Variants in LDLRAD3 observed in about 807,000 individuals in gnomAD.
LDLRAD3 encodes low density lipoprotein receptor class A domain containing 3.
Under a neutral mutation model 29.4 loss-of-function variants are expected in LDLRAD3, and 20 were observed. The ratio of observed to expected loss-of-function variants is 0.68; its 90% CI spans 0.48 to 0.99. LDLRAD3 has a LOEUF of 0.99. Ranked by LOEUF, LDLRAD3 falls within the 50% of genes least tolerant of loss-of-function variation. LDLRAD3 has a pLI of 0.00. For synonymous variants in LDLRAD3, 157 were observed against 192.7 expected, an observed-to-expected ratio of 0.81 and a Z score of 1.53; for missense variants, 420 against 454.3, an observed-to-expected ratio of 0.92 and a Z score of 0.69.
intron 4 of LDLRAD3, among the ~76,000 whole-genome samples, chr11:36,171,885 T>C (rs2133348815): frequency 6.6e-6 from 1 of 152,288 alleles, no homozygotes; most frequent in South Asian, 2.1e-4. Flanking sequence ...TGATGGGAAT[T>C]AGATTGAATT....
At chr11:36,207,777 C>T (rs1020088257) in intron 4 of LDLRAD3, among the ~76,000 whole-genome samples, 3 of 152,114 alleles carry the variant, frequency 2.0e-5, no homozygotes, top group Non-Finnish European at 2.9e-5. Context: ...GAGGAGCTGC[C>T]TCAGAGGTTG....
intron 4 of LDLRAD3, among the ~76,000 whole-genome samples, chr11:36,205,786 A>G (rs1416971148): frequency 6.6e-6 from 1 of 152,188 alleles, no homozygotes; most frequent in African/African-American, 2.4e-5. Context: ...AATTAGTGCA[A>G]TTGGACATAG....
At chr11:36,158,743 T>C (rs1234508787) in intron 4 of LDLRAD3, among the ~76,000 whole-genome samples, 1 of 152,138 alleles carries the variant, frequency 6.6e-6, no homozygotes, top group Non-Finnish European at 1.5e-5. Flanking sequence ...AATAAATGAA[T>C]GAATTAATGC....
At chr11:36,083,096 C>T (rs1853140558) in intron 3 of LDLRAD3, among the ~76,000 whole-genome samples, 1 of 152,232 alleles carries the variant, frequency 6.6e-6, no homozygotes, top group Non-Finnish European at 1.5e-5. Context: ...TCTGCCCCAA[C>T]ACATACACAG....
chr11:36,039,861 C>T (rs531544812), intron 2 of LDLRAD3, among the ~76,000 whole-genome samples: 2 of 152,190 alleles, frequency 1.3e-5, no homozygotes, highest in African/African-American at 2.4e-5. Flanking sequence ...TTATGCATAA[C>T]CAGACGACAG....
chr11:36,221,410 C>T (rs1207642287), intron 4 of LDLRAD3, among the ~76,000 whole-genome samples: 7 of 151,798 alleles, frequency 4.6e-5, no homozygotes, highest in Non-Finnish European at 2.9e-5. Context: ...GGAAGCTGTC[C>T]TCAGGGACTC....
chr11:36,100,651 A>T lies in LDLRAD3; in HGVS notation c.454+2190A>T, dbSNP rs181235776. On this transcript the variant is annotated intron_variant, in intron 4 of 5. Transcript: ENST00000315571. ...GATGGGTTTCACCATGTTGGCCAGG[A>T]TGGTCTTGATCTCTTGACCTTGTGA... is the stretch of plus-strand genomic sequence containing the variant. Among the ~76,000 whole-genome samples, 56 of 152,254 alleles carry T rather than the reference A, an allele frequency of 3.7e-4. No homozygotes were observed. In the East Asian group the frequency reaches 8.1e-3, roughly 22 times the overall value.
chr11:36,057,775 A>G (rs919645234), intron 2 of LDLRAD3, among the ~76,000 whole-genome samples: 11 of 152,178 alleles, frequency 7.2e-5, no homozygotes, highest in Admixed American at 2.0e-4. Flanking sequence ...TCCATAAACT[A>G]GTGATCCTCA....
At chr11:35,981,308 CTGTT>C (rs971847476) in intron 1 of LDLRAD3, among the ~76,000 whole-genome samples, 48 of 152,190 alleles carry the variant, frequency 3.2e-4, no homozygotes, top group African/African-American at 1.1e-3. Flanking sequence ...ACTTTGCTGT[CTGTT>C]TCTCAGCTAT....
chr11:36,081,630 G>C (rs1156376561), intron 2 of LDLRAD3, 23 bp from the exon 3 acceptor site: 1 of 1,614,148 alleles, frequency 6.2e-7, no homozygotes, highest in Non-Finnish European at 8.5e-7. Context: ...CTGATGTCTT[G>C]CTGTTTCTTT....
chr11:35,952,356 A>G (rs11033341), intron 1 of LDLRAD3, among the ~76,000 whole-genome samples: 3,976 of 152,268 alleles, frequency 0.026, 84 homozygotes, highest in Middle Eastern at 0.071. Context: ...AGGGATGTCA[A>G]TATTGACTTC....
chr11:36,206,725 C>CT (rs33957569), intron 4 of LDLRAD3, among the ~76,000 whole-genome samples: 154 of 133,096 alleles, frequency 1.2e-3, no homozygotes, highest in South Asian at 3.7e-3. Flanking sequence ...GTTGATTTTA[C>CT]TTTTTTTTTT....
chr11:36,098,590 C>A (rs1254229042), intron 4 of LDLRAD3, 129 bp downstream of exon 4: 3 of 1,019,022 alleles, frequency 2.9e-6, no homozygotes, highest in Admixed American at 2.3e-5. Flanking sequence ...TTGCACTCAG[C>A]CTTGCAGCCC....
At chr11:36,126,041 C>T (rs1323959805) in intron 4 of LDLRAD3, among the ~76,000 whole-genome samples, 2 of 152,144 alleles carry the variant, frequency 1.3e-5, no homozygotes, top group African/African-American at 4.8e-5. Flanking sequence ...TTGTGATCTG[C>T]GCCTGCGATG....
At chr11:36,046,384 A>G (rs1269362729) in intron 2 of LDLRAD3, among the ~76,000 whole-genome samples, 2 of 152,136 alleles carry the variant, frequency 1.3e-5, no homozygotes, top group East Asian at 3.8e-4. Context: ...AGTCTCAGGT[A>G]TGTCTTTATT....
chr11:36,060,310 C>T lies in LDLRAD3; in HGVS notation c.194-21343C>T, dbSNP rs182286108. 2.6e-4 allele frequency among the ~76,000 whole-genome samples: 39 copies of T among 148,636 alleles called. 1 individual carries two copies. The East Asian group carries it at 4.8e-3, about 18-fold the overall frequency. The stretch of plus-strand genomic sequence containing the variant: ...CGGAGCTTGCAGTGAGCTGAGATTG[C>T]GCCACTGCACTCCAGCCTGGGCGAC... On this transcript the variant is annotated intron_variant, in intron 2 of 5. Transcript: ENST00000315571.
chr11:36,223,203 A>G (rs1282913877), intron 4 of LDLRAD3, among the ~76,000 whole-genome samples: 1 of 152,184 alleles, frequency 6.6e-6, no homozygotes, highest in African/African-American at 2.4e-5. Context: ...TTCTCAGGCA[A>G]ATGTGATCGC....
chr11:36,197,061 C>T (rs1419790979), intron 4 of LDLRAD3: 1 of 152,148 alleles, frequency 6.6e-6, no homozygotes, highest in Non-Finnish European at 1.5e-5. Flanking sequence ...GCCACTGAAC[C>T]CCATCATTCC....
intron 1 of LDLRAD3, among the ~76,000 whole-genome samples, chr11:36,032,785 C>T (rs972444854): frequency 6.6e-6 from 1 of 152,022 alleles, no homozygotes; most frequent in South Asian, 2.1e-4. Context: ...TTGGGTGGTG[C>T]CAGTTGAGTG....
Sources: allele counts gnomAD v4.1 joint callset (sites outside exome capture counted in the v4.1 genomes callset), GRCh38; gene constraint gnomAD v4.1.1; transcripts MANE v1.5; gene names NCBI Gene and HGNC (gene_info 2026-07-23, HGNC 2026-07-21).